Variants in TSFM observed in about 807,000 individuals in gnomAD.
The protein encoded by TSFM is Ts translation elongation factor, mitochondrial.
A neutral mutation model predicts 33.4 loss-of-function variants in TSFM; 29 were observed. The observed-to-expected ratio is 0.87, with a 90% CI of 0.65 to 1.18. TSFM has a LOEUF of 1.18. Ranked by LOEUF, TSFM falls within the 50% of genes most tolerant of loss-of-function variation. The probability of loss-of-function intolerance (pLI) is 0.00; values close to 1 mark genes in which losing one functional copy is unlikely to be tolerated. For synonymous variants in TSFM, 178 were observed against 163.5 expected, an observed-to-expected ratio of 1.09 and a Z score of -0.68; for missense variants, 394 against 395.6, an observed-to-expected ratio of 1.00 and a Z score of 0.04.
intron 4 of TSFM, among the ~76,000 whole-genome samples, chr12:57,790,490 T>C (rs1423667413): frequency 1.3e-5 from 2 of 152,226 alleles, no homozygotes; most frequent in Non-Finnish European, 2.9e-5. Context: ...TTACTGTTTT[T>C]AGTTATGTAC....
downstream of TSFM, chr12:57,802,133 T>C: frequency 6.2e-7 from 1 of 1,610,972 alleles, no homozygotes; most frequent in Non-Finnish European, 8.5e-7. Flanking sequence ...GGCAGGAAGT[T>C]AGAGCTTCCC....
At chr12:57,783,033 C>A in intron 1 of TSFM, 77 bp from the exon 2 acceptor site, 2 of 1,535,766 alleles carry the variant, frequency 1.3e-6, no homozygotes, top group Non-Finnish European at 1.8e-6. Flanking sequence ...TCCCTAAGGT[C>A]GCTTCCCTGC....
At chr12:57,798,434 TTTAC>T (rs1034706761), downstream of TSFM, among the ~76,000 whole-genome samples, 2 of 152,178 alleles carry the variant, frequency 1.3e-5, no homozygotes, top group African/African-American at 2.4e-5. Context: ...CTTCTACACA[TTTAC>T]TTAATGATTT....
chr12:57,796,734 C>G lies in TSFM; in HGVS notation c.*151C>G. 8.1e-7 allele frequency: 1 copy of G among 1,233,086 alleles called. No individual in the cohort carries two copies. Among genetic ancestry groups the G allele is most frequent in the Admixed American group, 4.0e-5 (1 of 24,734 alleles). The allele number at this position is 1,233,086 out of a possible 1,614,324, so 76.4% of individuals were successfully genotyped here. On this transcript the variant is annotated 3_prime_UTR_variant, in exon 6 of 6. Transcript: ENST00000652027. ...ATAAAAATAATTTTTTCCTTGTTTGCGTAATACTGGATTTAGCTTTTCTGT... is the reference window on the plus strand; with the variant it reads ...ATAAAAATAATTTTTTCCTTGTTTGGGTAATACTGGATTTAGCTTTTCTGT...
downstream of TSFM, chr12:57,800,036 T>C: frequency 7.5e-7 from 1 of 1,336,640 alleles, no homozygotes; most frequent in Non-Finnish European, 1.0e-6. Flanking sequence ...CCCTCTGTAA[T>C]CATCTTTGAT....
intron 4 of TSFM, among the ~76,000 whole-genome samples, chr12:57,790,000 G>A (rs1955641144): frequency 6.7e-6 from 1 of 149,950 alleles, no homozygotes. Context: ...GTCCTTTTTA[G>A]TTGGGGAATG....
At chr12:57,801,330 AG>A (rs1955843885), downstream of TSFM, 5 of 768,214 alleles carry the variant, frequency 6.5e-6, no homozygotes, top group Admixed American at 2.7e-5. Flanking sequence ...AGACATTTCA[AG>A]GATAAGTAAA....
chr12:57,801,740 CAAAAAAAG>C (rs1049867400), downstream of TSFM, among the ~76,000 whole-genome samples: 1 of 150,370 alleles, frequency 6.7e-6, no homozygotes, highest in African/African-American at 2.4e-5. Context: ...AATTCTGTCT[CAAAAAAAG>C]AAAAAAAAAA....
chr12:57,787,073 T>C lies in TSFM; in HGVS notation c.394T>C (p.Leu132=). The C allele has an allele frequency of 6.2e-7, 1 of 1,613,332 alleles. No individual in the cohort carries two copies. The highest frequency in any genetic ancestry group is 8.5e-7 in the Non-Finnish European group (1 of 1,179,578). Reference sequence around the variant, plus strand: ...TGAGACAGATTTTGTTTCTAGAAATTTAAAATTTCAACTGTTGGTCCAGCA... The same window carrying C: ...TGAGACAGATTTTGTTTCTAGAAATCTAAAATTTCAACTGTTGGTCCAGCA... ...NCETDFVSRN[L]KFQLLVQQVA... The change falls in exon 4 of 6, where the codon TTA becomes CTA. Residue 132 remains leucine, a synonymous_variant. Coordinates refer to ENST00000652027, the MANE Select transcript of TSFM (RefSeq NM_005726.6).
chr12:57,784,258 T>C (rs1955558818), intron 2 of TSFM: 1 of 630,456 alleles, frequency 1.6e-6, no homozygotes, highest in Non-Finnish European at 2.8e-6. Flanking sequence ...GAACTTATCA[T>C]GTATGGAGCT....
At chr12:57,801,873 A>G (rs1304916886), downstream of TSFM, among the ~76,000 whole-genome samples, 1 of 152,230 alleles carries the variant, frequency 6.6e-6, no homozygotes, top group Non-Finnish European at 1.5e-5. Flanking sequence ...TCTACTGGCT[A>G]TCAGGATTGT....
At chr12:57,794,788 CT>C (rs1348705623) in intron 5 of TSFM, among the ~76,000 whole-genome samples, 4 of 152,106 alleles carry the variant, frequency 2.6e-5, no homozygotes, top group African/African-American at 9.7e-5. Context: ...GAGACGGAGT[CT>C]TGCTCTGTTG....
chr12:57,796,279 C>T lies in TSFM; in HGVS notation c.674C>T (p.Ser225Leu). 1 of 1,612,766 alleles carries T rather than the reference C, an allele frequency of 6.2e-7. No individual in the cohort carries two copies. Among genetic ancestry groups the T allele is most frequent in the Non-Finnish European group, 8.5e-7 (1 of 1,179,350 alleles). The stretch of plus-strand genomic sequence containing the variant: ...GTCCACGGAGCAATGCAGAGTCCCT[C>T]ACTTCACAAGCTGGTGCTGGGGAAG... ...SYVHGAMQSP[S>L]LHKLVLGKYG... Residue 225 changes from serine (S) to leucine (L), a missense_variant, in exon 6 of 6, where the codon TCA becomes TTA. Coordinates refer to ENST00000652027, the MANE Select transcript of TSFM (RefSeq NM_005726.6).
rs149625397 is a variant in TSFM at position 57,794,782 on chromosome 12, C to T, written c.572-1395C>T. Among the ~76,000 whole-genome samples the T allele has an allele frequency of 9.4e-3, 1,425 of 152,194 alleles. 25 individuals carry two copies. Among genetic ancestry groups the T allele is most frequent in the African/African-American group, 0.032 (1,349 of 41,526 alleles). On this transcript the variant is annotated intron_variant, in intron 5 of 5. Transcript: ENST00000652027. ...TTTATTTATTTATTTATTTTTGAGA[C>T]GGAGTCTTGCTCTGTTGCCCAGGCT...
intron 3 of TSFM, among the ~76,000 whole-genome samples, 182 bp from the exon 4 acceptor site, chr12:57,786,858 T>C (rs976876254): frequency 6.6e-6 from 1 of 152,224 alleles, no homozygotes; most frequent in Non-Finnish European, 1.5e-5. Context: ...TGGCCCAACA[T>C]AAATCACTTC....
At chr12:57,791,053 A>T in intron 4 of TSFM, among the ~76,000 whole-genome samples, 1 of 149,722 alleles carries the variant, frequency 6.7e-6, no homozygotes, top group African/African-American at 2.5e-5. Context: ...CTCATTAGCC[A>T]GGCTGGAGTG....
At position 57,787,112 on chromosome 12, in the gene TSFM, A is replaced by G; in HGVS notation, c.433A>G (p.Thr145Ala). Residue 145 changes from threonine to alanine, a missense_variant, in exon 4 of 6, where the codon ACC becomes GCC. Around this residue, in one of 3 missense-constraint regions of TSFM, gnomAD observed 208 missense variants for 180.4 expected, o/e 1.15. Transcript: ENST00000652027. The part of the protein sequence containing the change: ...QLLVQQVALG[T>A]MMHCQTLKDQ... ...GTTGGTCCAGCAAGTAGCCCTTGGA[A>G]CCATGATGCATTGTCAGACCCTAAA... is the stretch of plus-strand genomic sequence containing the variant. The G allele has an allele frequency of 3.1e-6, 5 of 1,607,664 alleles. No individual in the cohort carries two copies. The highest frequency in any genetic ancestry group is 4.2e-6 in the Non-Finnish European group (5 of 1,176,516).
At chr12:57,799,932 A>G (rs1219682419), downstream of TSFM, 8 of 1,614,054 alleles carry the variant, frequency 5.0e-6, no homozygotes, top group Non-Finnish European at 6.8e-6. Flanking sequence ...TAGGTAAGAT[A>G]AGAATGTAGG....
chr12:57,782,807 G>C lies in TSFM; in HGVS notation c.6G>C (p.Ser2=), dbSNP rs1190133492. ...TGTTTATCGCGGCTAGAGAGATGTCGCTGCTGCGGTCGCTGCGCGTGTTTC... is the reference window on the plus strand; with the variant it reads ...TGTTTATCGCGGCTAGAGAGATGTCCCTGCTGCGGTCGCTGCGCGTGTTTC... M[S]LLRSLRVFLV... Residue 2 remains serine, a synonymous_variant, in exon 1 of 6, where the codon TCG becomes TCC. Transcript: ENST00000652027. 2 of 1,591,498 alleles carry C rather than the reference G, an allele frequency of 1.3e-6. No individual in the cohort carries two copies. The highest frequency in any genetic ancestry group is 3.5e-5 in the Admixed American group (2 of 56,614).
Sources: allele counts gnomAD v4.1 joint callset (sites outside exome capture counted in the v4.1 genomes callset), GRCh38; gene constraint gnomAD v4.1.1; regional missense constraint gnomAD v4.1.1; transcripts MANE v1.5; gene names NCBI Gene and HGNC (gene_info 2026-07-23, HGNC 2026-07-21).